The following FSTL4 variants were observed in gnomAD, a reference collection of about 807,000 sequenced individuals.
The protein encoded by FSTL4 is follistatin-related protein 4.
Under a neutral mutation model 78.2 loss-of-function variants are expected in FSTL4, and 28 were observed. That is an observed-to-expected ratio of 0.36 (90% CI 0.27 to 0.49). The LOEUF (loss-of-function observed/expected upper bound fraction) is 0.49, where lower values mean the gene tolerates loss of function less well. Ranked by LOEUF, FSTL4 falls within the 20% of genes least tolerant of loss-of-function variation. FSTL4 has a pLI of 0.98. For missense variants in FSTL4, 922 were observed against 1,084.9 expected (o/e 0.85, Z 2.11); for synonymous variants, 422 against 440.5 (o/e 0.96, Z 0.53).
the FSTL4 span, among the ~76,000 whole-genome samples, chr5:133,649,156 T>C: frequency 6.6e-6 from 1 of 152,186 alleles, no homozygotes. Context: ...CACTGGGTAA[T>C]ATGCATTTAA....
At chr5:133,682,840 T>C in the FSTL4 span, among the ~76,000 whole-genome samples, 1 of 152,186 alleles carries the variant, frequency 6.6e-6, no homozygotes, top group Non-Finnish European at 1.5e-5. Context: ...GATCCATGTG[T>C]TGATGCTGAG....
At chr5:133,757,631 G>T in the FSTL4 span, among the ~76,000 whole-genome samples, 1 of 152,208 alleles carries the variant, frequency 6.6e-6, no homozygotes, top group Non-Finnish European at 1.5e-5. Context: ...GCATGGTGGG[G>T]AGAACAATCT....
At chr5:133,299,605 G>T (rs1353867412) in intron 6 of FSTL4, among the ~76,000 whole-genome samples, 1 of 152,160 alleles carries the variant, frequency 6.6e-6, no homozygotes, top group Non-Finnish European at 1.5e-5. Context: ...TGTTAATTTA[G>T]AGAATTCGAG....
At chr5:133,427,118 G>A (rs949073634) in intron 3 of FSTL4, among the ~76,000 whole-genome samples, 1 of 152,114 alleles carries the variant, frequency 6.6e-6, no homozygotes, top group African/African-American at 2.4e-5. Flanking sequence ...AGGCAGCCCT[G>A]GGTTACAATC....
At chr5:133,572,832 A>C (rs1473942889) in intron 2 of FSTL4, among the ~76,000 whole-genome samples, 2 of 152,224 alleles carry the variant, frequency 1.3e-5, no homozygotes, top group Non-Finnish European at 2.9e-5. Flanking sequence ...AAGTAACCAA[A>C]ACTGTCTCAT....
At chr5:133,393,546 A>T (rs1183204364) in intron 4 of FSTL4, among the ~76,000 whole-genome samples, 1 of 152,206 alleles carries the variant, frequency 6.6e-6, no homozygotes, top group Non-Finnish European at 1.5e-5. Context: ...AGACTGAAAG[A>T]ACAACAGCGG....
chr5:133,251,750 C>T (rs571134962), intron 6 of FSTL4, among the ~76,000 whole-genome samples: 43 of 152,134 alleles, frequency 2.8e-4, no homozygotes, highest in Non-Finnish European at 5.3e-4. Flanking sequence ...AGACCTAGAC[C>T]GAACCCCTGG....
chr5:133,320,823 C>T (rs1413078275), intron 4 of FSTL4, among the ~76,000 whole-genome samples: 5 of 151,928 alleles, frequency 3.3e-5, no homozygotes, highest in Admixed American at 6.6e-5. Flanking sequence ...CTGGCTAACA[C>T]GGTGAAACCC....
At chr5:133,514,623 G>C (rs1758816911) in intron 3 of FSTL4, among the ~76,000 whole-genome samples, 1 of 152,174 alleles carries the variant, frequency 6.6e-6, no homozygotes, top group Non-Finnish European at 1.5e-5. Flanking sequence ...CCTAAAGACT[G>C]AAGCATAGAT....
chr5:133,799,254 C>T, the FSTL4 span, among the ~76,000 whole-genome samples: 1 of 137,758 alleles, frequency 7.3e-6, no homozygotes, highest in African/African-American at 2.7e-5. Context: ...GAGATGAAAC[C>T]TAGTGGGGGA....
chr5:133,636,409 G>C, the FSTL4 span, among the ~76,000 whole-genome samples: 2 of 150,896 alleles, frequency 1.3e-5, no homozygotes, highest in Middle Eastern at 6.9e-3. Flanking sequence ...GACATAGGCA[G>C]GGTCTTTTAC....
intron 3 of FSTL4, among the ~76,000 whole-genome samples, chr5:133,441,770 C>T (rs114411689): frequency 1.2e-4 from 19 of 152,330 alleles, no homozygotes; most frequent in African/African-American, 3.8e-4. Flanking sequence ...GCAGCAGGGT[C>T]GGCTGACACT....
chr5:133,428,096 T>C (rs1380228705), intron 3 of FSTL4, among the ~76,000 whole-genome samples: 1 of 152,228 alleles, frequency 6.6e-6, no homozygotes, highest in African/African-American at 2.4e-5. Context: ...AAATGAGTTG[T>C]TTTATGATAA....
intron 4 of FSTL4, among the ~76,000 whole-genome samples, chr5:133,358,591 CTTTTTTTTTTTTT>C (rs1173835923): frequency 8.7e-6 from 1 of 115,430 alleles, no homozygotes; most frequent in Non-Finnish European, 1.7e-5. Context: ...GGTTCTATTT[CTTTTTTTTTTTTT>C]TTTTTTTTTG....
At chr5:133,232,176 G>A (rs189398097) in intron 8 of FSTL4, among the ~76,000 whole-genome samples, 1 of 152,298 alleles carries the variant, frequency 6.6e-6, no homozygotes, top group East Asian at 1.9e-4. Context: ...TCAGTGCTCG[G>A]GCCGCATCTC....
At chr5:133,537,609 A>G (rs1317916838) in intron 3 of FSTL4, among the ~76,000 whole-genome samples, 2 of 152,108 alleles carry the variant, frequency 1.3e-5, no homozygotes, top group African/African-American at 4.8e-5. Context: ...TGCACTAGCT[A>G]GGACCTCCAG....
intron 2 of FSTL4, among the ~76,000 whole-genome samples, chr5:133,602,302 C>G (rs1760887079): frequency 6.6e-6 from 1 of 152,122 alleles, no homozygotes; most frequent in African/African-American, 2.4e-5. Context: ...TTACTTCCTC[C>G]CAATGACCAG....
the FSTL4 span, among the ~76,000 whole-genome samples, chr5:133,762,679 C>G: frequency 6.6e-6 from 1 of 152,228 alleles, no homozygotes; most frequent in East Asian, 1.9e-4. Flanking sequence ...CAGGTTTGCT[C>G]ATGGTCCCAA....
intron 3 of FSTL4, among the ~76,000 whole-genome samples, chr5:133,433,238 G>C (rs867038276): frequency 2.6e-5 from 4 of 152,166 alleles, no homozygotes; most frequent in African/African-American, 9.7e-5. Context: ...AAGCTTAATA[G>C]TCCTATTTGT....
Sources: allele counts gnomAD v4.1 joint callset (sites outside exome capture counted in the v4.1 genomes callset), GRCh38; gene constraint gnomAD v4.1.1; transcripts MANE v1.5; gene names NCBI Gene and HGNC (gene_info 2026-07-23, HGNC 2026-07-21).